The following MIB1 variants were observed in gnomAD, a reference collection of about 807,000 sequenced individuals.
The protein encoded by MIB1 is MIB E3 ubiquitin protein ligase 1, also known as E3 ubiquitin-protein ligase MIB1.
A neutral mutation model predicts 124.5 loss-of-function variants in MIB1; 278 were observed. That is an observed-to-expected ratio of 2.23 (90% CI 2.02 to 2.47). The LOEUF is 2.47. MIB1 is among the 30% of genes most tolerant of loss of function. The pLI, the probability that MIB1 is intolerant of heterozygous loss-of-function variation, is 0.00. For missense variants in MIB1, 957 were observed against 1,254.4 expected, an observed-to-expected ratio of 0.76 and a Z score of 3.58; for synonymous variants, 446 against 429.4, an observed-to-expected ratio of 1.04 and a Z score of -0.48.
At chr18:21,838,539 T>C in intron 13 of MIB1, 42 bp downstream of exon 13, 1 of 1,515,252 alleles carries the variant, frequency 6.6e-7, no homozygotes, top group Non-Finnish European at 8.9e-7. Flanking sequence ...TTATTTTTTT[T>C]TAAACAATTT....
At chr18:21,715,128 A>G (rs748954325) in intron 1 of MIB1, among the ~76,000 whole-genome samples, 1 of 152,266 alleles carries the variant, frequency 6.6e-6, no homozygotes, top group East Asian at 1.9e-4. Flanking sequence ...CCCAGGAGAC[A>G]CTCCAAATAC....
chr18:21,731,062 C>T (rs1225980234), intron 1 of MIB1, among the ~76,000 whole-genome samples: 3 of 152,176 alleles, frequency 2.0e-5, no homozygotes, highest in African/African-American at 7.2e-5. Flanking sequence ...CCTTTCAACC[C>T]TTGGTTAAAA....
chr18:21,759,484 G>A (rs1280161843), intron 1 of MIB1, among the ~76,000 whole-genome samples: 2 of 151,712 alleles, frequency 1.3e-5, no homozygotes, highest in Admixed American at 6.6e-5. Context: ...CTCTTGATCC[G>A]CCTGCCTCGG....
chr18:21,850,660 A>C (rs1333455198), intron 17 of MIB1, among the ~76,000 whole-genome samples: 3 of 152,186 alleles, frequency 2.0e-5, no homozygotes, highest in Admixed American at 6.5e-5. Context: ...TGATCAATTC[A>C]TAAAGCTGAG....
chr18:21,830,065 G>A (rs1331034735), intron 12 of MIB1, among the ~76,000 whole-genome samples: 1 of 152,146 alleles, frequency 6.6e-6, no homozygotes, highest in African/African-American at 2.4e-5. Flanking sequence ...GGCAGGGATA[G>A]TAGAATTTCT....
At chr18:21,834,703 C>T (rs2042011091) in intron 12 of MIB1, among the ~76,000 whole-genome samples, 1 of 152,152 alleles carries the variant, frequency 6.6e-6, no homozygotes, top group Admixed American at 6.5e-5. Flanking sequence ...CATTAGTACT[C>T]TTCAAAACTG....
intron 1 of MIB1, among the ~76,000 whole-genome samples, chr18:21,717,307 G>GA (rs2146355907): frequency 6.6e-6 from 1 of 152,188 alleles, no homozygotes; most frequent in Non-Finnish European, 1.5e-5. Context: ...AGATAACATT[G>GA]AAAAAACCCT....
chr18:21,795,895 T>G (rs775772364), intron 7 of MIB1, among the ~76,000 whole-genome samples: 1 of 152,204 alleles, frequency 6.6e-6, no homozygotes, highest in Non-Finnish European at 1.5e-5. Flanking sequence ...TGAGTACTTG[T>G]GTGATAATTC....
In MIB1 at chr18:21,857,238, A is replaced by C. The variant is rs764114928; in HGVS notation, c.2774A>C (p.Asp925Ala). The change falls in exon 19 of 21, where the codon GAT (aspartate) becomes GCT (alanine). Residue 925 changes from aspartate to alanine, a missense_variant. By Grantham distance (126) the Asp-to-Ala change is moderately radical. Coordinates refer to ENST00000261537, the MANE Select transcript of MIB1 (RefSeq NM_020774.4). Reference protein sequence around the residue: ...GGKSSEDATDDISSGNIPVLQ... With the variant: ...GGKSSEDATDAISSGNIPVLQ... ...AAAAGTTCAGAAGATGCCACTGATG[A>C]TATCTGTAAGTCGATTGTCTTAAGC... 1.9e-6 allele frequency: 3 copies of C among 1,609,022 alleles called. No homozygotes were observed. The African/African-American group carries it at 4.0e-5, about 22-fold the overall frequency.
intron 10 of MIB1, among the ~76,000 whole-genome samples, chr18:21,813,248 G>A (rs2041794900): frequency 6.6e-6 from 1 of 151,498 alleles, no homozygotes; most frequent in Admixed American, 6.6e-5. Flanking sequence ...AAGACTGGAA[G>A]TTAGGAAGAT....
intron 2 of MIB1, among the ~76,000 whole-genome samples, chr18:21,768,333 C>T (rs1001980451): frequency 6.6e-6 from 1 of 152,164 alleles, no homozygotes; most frequent in Non-Finnish European, 1.5e-5. Context: ...ATAGCGGTAA[C>T]TTTCTCTTAA....
chr18:21,838,595 T>C, intron 13 of MIB1, 98 bp downstream of exon 13: 1 of 964,112 alleles, frequency 1.0e-6, no homozygotes, highest in East Asian at 2.7e-5. Context: ...AATTGCCTAT[T>C]AGTAGGTTCC....
At chr18:21,748,155 C>G in intron 1 of MIB1, among the ~76,000 whole-genome samples, 1 of 152,200 alleles carries the variant, frequency 6.6e-6, no homozygotes, top group Non-Finnish European at 1.5e-5. Flanking sequence ...GATTGCTTTT[C>G]CTCAGTATCA....
At chr18:21,735,473 G>T (rs994566428) in intron 1 of MIB1, among the ~76,000 whole-genome samples, 8 of 145,434 alleles carry the variant, frequency 5.5e-5, no homozygotes, top group South Asian at 2.2e-4. Context: ...AGCTGCAAGG[G>T]TTTTTTTTTT....
chr18:21,861,348 C>T (rs2042274819), intron 20 of MIB1, among the ~76,000 whole-genome samples: 1 of 151,880 alleles, frequency 6.6e-6, no homozygotes, highest in Non-Finnish European at 1.5e-5. Context: ...TGATTCCTTT[C>T]CCATAAGACA....
At chr18:21,750,544 G>A (rs530168435) in intron 1 of MIB1, among the ~76,000 whole-genome samples, 1 of 152,192 alleles carries the variant, frequency 6.6e-6, no homozygotes, top group Non-Finnish European at 1.5e-5. Flanking sequence ...AGCCATGATG[G>A]TCTCCATCTC....
chr18:21,744,317 T>C (rs1445861577), intron 1 of MIB1, among the ~76,000 whole-genome samples: 1 of 152,142 alleles, frequency 6.6e-6, no homozygotes, highest in African/African-American at 2.4e-5. Flanking sequence ...AAATTAACTT[T>C]TGTTTTTGAA....
At chr18:21,797,086 C>T (rs528780442) in intron 7 of MIB1, among the ~76,000 whole-genome samples, 1 of 152,170 alleles carries the variant, frequency 6.6e-6, no homozygotes, top group African/African-American at 2.4e-5. Flanking sequence ...GAAGTTTGAA[C>T]ACTGGAATTT....
intron 10 of MIB1, among the ~76,000 whole-genome samples, chr18:21,815,200 ACT>A (rs1247431693): frequency 2.0e-5 from 3 of 151,192 alleles, no homozygotes; most frequent in African/African-American, 7.3e-5. Context: ...ACAGGGTCTC[ACT>A]CTGTTGCCCC....
Sources: gnomAD v4.1 joint callset for allele counts (sites outside exome capture counted in the v4.1 genomes callset) on GRCh38, gnomAD v4.1.1 for gene constraint, MANE v1.5 for transcripts, NCBI Gene and HGNC (gene_info 2026-07-23, HGNC 2026-07-21) for gene names.